The following GMDS variants were observed in gnomAD, a reference collection of about 807,000 sequenced individuals.
GMDS encodes the protein GDP-mannose 4,6 dehydratase.
A neutral mutation model predicts 49.9 loss-of-function variants in GMDS; 20 were observed. The ratio of observed to expected loss-of-function variants is 0.40; its 90% CI spans 0.28 to 0.58. The LOEUF (loss-of-function observed/expected upper bound fraction) is 0.58, where lower values mean the gene tolerates loss of function less well. GMDS is among the 20% of genes least tolerant of loss of function. GMDS has a pLI of 0.42. For missense variants in GMDS, 362 were observed against 481.4 expected (o/e 0.75, Z 2.32); for synonymous variants, 177 against 178.6 (o/e 0.99, Z 0.07).
chr6:1,663,004 C>A (rs1043502160), intron 9 of GMDS, among the ~76,000 whole-genome samples: 1 of 152,120 alleles, frequency 6.6e-6, no homozygotes, highest in Non-Finnish European at 1.5e-5. Flanking sequence ...TACTTCCCTC[C>A]TTTCTGGATA....
At chr6:2,188,968 A>G (rs568899552) in intron 1 of GMDS, among the ~76,000 whole-genome samples, 3 of 152,196 alleles carry the variant, frequency 2.0e-5, no homozygotes, top group Admixed American at 2.0e-4. Context: ...AACTGGGGTG[A>G]CCGTGTCACA....
At chr6:1,705,594 G>A (rs1048123719) in intron 9 of GMDS, among the ~76,000 whole-genome samples, 1 of 152,228 alleles carries the variant, frequency 6.6e-6, no homozygotes, top group Admixed American at 6.5e-5. Context: ...GATTTTGTAG[G>A]AGAATGGGTT....
intron 1 of GMDS, among the ~76,000 whole-genome samples, chr6:2,156,373 A>G (rs929417517): frequency 6.6e-6 from 1 of 152,194 alleles, no homozygotes; most frequent in Non-Finnish European, 1.5e-5. Context: ...CTGAAAAAGG[A>G]TATTGATTTT....
intron 4 of GMDS, among the ~76,000 whole-genome samples, chr6:2,024,818 C>T (rs1768484933): frequency 6.6e-6 from 1 of 151,292 alleles, no homozygotes; most frequent in Non-Finnish European, 1.5e-5. Context: ...AAGACAACTC[C>T]TAAGTTAAAA....
chr6:1,675,040 C>T (rs35795009), intron 9 of GMDS, among the ~76,000 whole-genome samples: 8,028 of 152,050 alleles, frequency 0.053, 288 homozygotes, highest in Non-Finnish European at 0.08. Context: ...CAGGTTCAAG[C>T]GATTCTCCTG....
chr6:1,740,942 G>A (rs557445054), intron 8 of GMDS, among the ~76,000 whole-genome samples: 19 of 152,172 alleles, frequency 1.2e-4, no homozygotes, highest in Middle Eastern at 6.8e-3. Flanking sequence ...TCTTGGCCAC[G>A]AATTGTCAAT....
chr6:2,159,429 A>G (rs1303009529), intron 1 of GMDS, among the ~76,000 whole-genome samples: 1 of 152,078 alleles, frequency 6.6e-6, no homozygotes, highest in Non-Finnish European at 1.5e-5. Flanking sequence ...TTATGAGAGT[A>G]AATGACAAAA....
intron 6 of GMDS, among the ~76,000 whole-genome samples, chr6:1,938,608 T>C (rs1041695849): frequency 2.6e-5 from 4 of 152,118 alleles, no homozygotes; most frequent in Admixed American, 2.0e-4. Context: ...ATTCCTGTTT[T>C]CTTTGGTATT....
At chr6:1,725,576 G>C (rs898317170) in intron 9 of GMDS, among the ~76,000 whole-genome samples, 1 of 152,120 alleles carries the variant, frequency 6.6e-6, no homozygotes, top group Non-Finnish European at 1.5e-5. Flanking sequence ...GGGGATTACA[G>C]GCATGCGCTA....
intron 9 of GMDS, among the ~76,000 whole-genome samples, chr6:1,655,464 G>A (rs1425602535): frequency 7.0e-5 from 10 of 143,820 alleles, no homozygotes; most frequent in African/African-American, 1.8e-4. Context: ...TTTTCCTTAC[G>A]TTTGAAAGCC....
chr6:1,878,611 TACAGAA>T (rs1022441464), intron 7 of GMDS, among the ~76,000 whole-genome samples: 1 of 152,110 alleles, frequency 6.6e-6, no homozygotes, highest in Non-Finnish European at 1.5e-5. Context: ...AAGTAACATT[TACAGAA>T]GTGTGAGGTG....
chr6:1,900,063 G>A (rs980755196), intron 7 of GMDS, among the ~76,000 whole-genome samples: 16 of 152,226 alleles, frequency 1.1e-4, no homozygotes, highest in Non-Finnish European at 2.2e-4. Context: ...CTGAGTCAAC[G>A]TTCAAGGCTT....
chr6:1,950,885 C>T (rs1056075119), intron 6 of GMDS, among the ~76,000 whole-genome samples: 1 of 151,908 alleles, frequency 6.6e-6, no homozygotes, highest in Non-Finnish European at 1.5e-5. Context: ...GTGCACACCA[C>T]TATGAACCAT....
intron 8 of GMDS, among the ~76,000 whole-genome samples, chr6:1,727,138 A>G (rs1766622175): frequency 6.6e-6 from 1 of 152,158 alleles, no homozygotes; most frequent in African/African-American, 2.4e-5. Context: ...GAGTGAGGGT[A>G]TATCAATATT....
At chr6:1,734,448 G>A (rs1466015812) in intron 8 of GMDS, among the ~76,000 whole-genome samples, 3 of 152,206 alleles carry the variant, frequency 2.0e-5, no homozygotes, top group South Asian at 2.1e-4. Flanking sequence ...GTGCATAAAT[G>A]GAAGAACACA....
At position 1,937,228 on chromosome 6, in the gene GMDS, C is replaced by T. The variant is rs539190805; in HGVS notation, c.644-6998G>A. Among the ~76,000 whole-genome samples the T allele has an allele frequency of 3.3e-5, 5 of 152,270 alleles. No homozygotes were observed. In the East Asian group the frequency reaches 9.7e-4, roughly 29 times the overall value. ...AATGACACTGCCTAATGATGCATTT[C>T]TCAGAACAAATCCCTGTGGTTCCGT... On this transcript the variant is annotated intron_variant, in intron 6 of 10. Transcript: ENST00000380815.
At chr6:1,881,440 T>C (rs1759359298) in intron 7 of GMDS, among the ~76,000 whole-genome samples, 1 of 152,156 alleles carries the variant, frequency 6.6e-6, no homozygotes, top group Non-Finnish European at 1.5e-5. Flanking sequence ...ACTTACTTTC[T>C]AGGAAAAAAG....
At chr6:2,239,110 C>T (rs1012909321) in intron 1 of GMDS, among the ~76,000 whole-genome samples, 2 of 152,190 alleles carry the variant, frequency 1.3e-5, no homozygotes, top group Non-Finnish European at 1.5e-5. Flanking sequence ...GGGCGGATGA[C>T]TTGAGGCCAA....
intron 1 of GMDS, among the ~76,000 whole-genome samples, chr6:2,200,291 CAT>C (rs1779452490): frequency 6.6e-6 from 1 of 152,094 alleles, no homozygotes; most frequent in African/African-American, 2.4e-5. Flanking sequence ...TAGAAGATGA[CAT>C]GTTAGCAGAG....
Sources: gnomAD v4.1 joint callset for allele counts (sites outside exome capture counted in the v4.1 genomes callset) on GRCh38, gnomAD v4.1.1 for gene constraint, MANE v1.5 for transcripts, NCBI Gene and HGNC (gene_info 2026-07-23, HGNC 2026-07-21) for gene names.